Variants in ARHGEF17 observed in about 807,000 individuals in gnomAD.
The protein encoded by ARHGEF17 is Rho guanine nucleotide exchange factor 17.
Under a neutral mutation model 174.0 loss-of-function variants are expected in ARHGEF17, and 80 were observed. That is an observed-to-expected ratio of 0.46 (90% confidence interval 0.38 to 0.55). ARHGEF17 has a LOEUF of 0.55. Ranked by LOEUF, ARHGEF17 falls within the 20% of genes least tolerant of loss-of-function variation. The pLI, the probability that ARHGEF17 is intolerant of heterozygous loss-of-function variation, is 0.00. For missense variants in ARHGEF17, 2,886 were observed against 2,839.7 expected, an observed-to-expected ratio of 1.02 and a Z score of -0.37; for synonymous variants, 1,311 against 1,189.1, an observed-to-expected ratio of 1.10 and a Z score of -2.11.
At chr11:73,352,140 T>C (rs1865564556) in intron 2 of ARHGEF17, among the ~76,000 whole-genome samples, 1 of 151,950 alleles carries the variant, frequency 6.6e-6, no homozygotes, top group South Asian at 2.1e-4. Context: ...CTGGCCGACA[T>C]AGTGAAACCC....
At chr11:73,311,862 G>A (rs1864843974) in intron 1 of ARHGEF17, 32 bp downstream of exon 1, 1 of 1,561,822 alleles carries the variant, frequency 6.4e-7, no homozygotes, top group Admixed American at 1.8e-5. Context: ...TCAGATTGGG[G>A]CCAAAGAAGG....
chr11:73,309,716 C>T lies in ARHGEF17; in HGVS notation c.1078C>T (p.Arg360Trp). ...CGTCCCAGGTCCCCAGGAGGGACTT[C>T]GGCCTATGTCTGACTCTGTGGGAGG... ...PCVPGPQEGL[R>W]PMSDSVGGAF... Residue 360 changes from arginine to tryptophan, a missense_variant, in exon 1 of 21, where the codon CGG becomes TGG. Arg to Trp is a moderately radical substitution (Grantham distance 101). Coordinates refer to ENST00000263674, the MANE Select transcript of ARHGEF17 (RefSeq NM_014786.4). 3.7e-6 allele frequency: 6 copies of T among 1,612,874 alleles called. No homozygotes were observed. Among genetic ancestry groups the T allele is most frequent in the Non-Finnish European group, 5.1e-6 (6 of 1,179,844 alleles).
intron 2 of ARHGEF17, among the ~76,000 whole-genome samples, chr11:73,349,761 A>G (rs1865522868): frequency 6.6e-6 from 1 of 152,230 alleles, no homozygotes; most frequent in African/African-American, 2.4e-5. Context: ...AGACCCGTCC[A>G]GGGCTGCACT....
At chr11:73,338,924 G>A (rs1454559224) in intron 1 of ARHGEF17, among the ~76,000 whole-genome samples, 2 of 152,158 alleles carry the variant, frequency 1.3e-5, no homozygotes, top group Non-Finnish European at 2.9e-5. Context: ...AAGGAGCCAG[G>A]ACGTGTAAAG....
chr11:73,365,847 C>T lies in ARHGEF17; in HGVS notation c.5895C>T (p.Leu1965=), dbSNP rs553948449. The change falls in exon 20 of 21, where the codon CTC becomes CTT. Residue 1965 remains leucine (L), a synonymous_variant. Transcript: ENST00000263674. This position sits in a 1 kb window ranked among gnomAD's most constrained non-coding sequence, Gnocchi z 4.9. ...CPRAPLSPTG[L]GQGHTGHVRF... ...GGGCACCACTCAGTCCCACAGGCCT[C>T]GGCCAGGGACACACCGGCCACGTCC... 13 of 1,612,798 alleles carry T rather than the reference C, an allele frequency of 8.1e-6. No homozygotes were observed. The East Asian group carries it at 8.9e-5, about 11-fold the overall frequency.
At chr11:73,331,622 G>A (rs368061499) in intron 1 of ARHGEF17, among the ~76,000 whole-genome samples, 16 of 152,054 alleles carry the variant, frequency 1.1e-4, no homozygotes, top group African/African-American at 3.6e-4. Context: ...GAGGGGGAGT[G>A]GGGGGGTGCG....
chr11:73,324,820 G>A (rs1187938845), intron 1 of ARHGEF17, among the ~76,000 whole-genome samples: 3 of 152,222 alleles, frequency 2.0e-5, no homozygotes, highest in Non-Finnish European at 4.4e-5. Context: ...CCAGGAACCA[G>A]CACATAGTAG....
chr11:73,330,840 C>G (rs1865192725), intron 1 of ARHGEF17, among the ~76,000 whole-genome samples: 1 of 152,154 alleles, frequency 6.6e-6, no homozygotes, highest in Admixed American at 6.5e-5. Flanking sequence ...GGGCTGGCAG[C>G]AGAATTCACT....
chr11:73,350,547 G>A (rs990109354), intron 2 of ARHGEF17, among the ~76,000 whole-genome samples: 5 of 152,160 alleles, frequency 3.3e-5, no homozygotes, highest in Admixed American at 6.5e-5. Flanking sequence ...TGTTAACTTC[G>A]AACCATCACT....
At chr11:73,345,981 A>G (rs1156951719) in intron 1 of ARHGEF17, among the ~76,000 whole-genome samples, 1 of 151,932 alleles carries the variant, frequency 6.6e-6, no homozygotes, top group African/African-American at 2.4e-5. Context: ...GGAGAGGTGT[A>G]GGGACTGGTG....
chr11:73,364,410 T>C (rs182460013), intron 17 of ARHGEF17, 42 bp from the exon 18 acceptor site: 6 of 1,612,348 alleles, frequency 3.7e-6, no homozygotes, highest in African/African-American at 2.7e-5. Flanking sequence ...GGCTCAAATT[T>C]AGAACTGGAG....
chr11:73,311,097 G>A lies in ARHGEF17; in HGVS notation c.2459G>A (p.Gly820Asp), dbSNP rs889019633. ...LGRVVDDRIA[G>D]KAPKKKSLSD... ...CGTGTGGTGGACGACAGGATTGCTGGCAAAGCCCCCAAGAAGAAATCCCTG... is the reference window on the plus strand; with the variant it reads ...CGTGTGGTGGACGACAGGATTGCTGACAAAGCCCCCAAGAAGAAATCCCTG... Residue 820 changes from glycine to aspartate, a missense_variant, in exon 1 of 21, where the codon GGC (glycine) becomes GAC (aspartate). Physicochemically the swap from Gly to Asp is moderately conservative, Grantham distance 94. Around this residue, in one of 4 missense-constraint regions of ARHGEF17, gnomAD observed 1,728 missense variants for 1,461.2 expected, o/e 1.18. Coordinates refer to ENST00000263674, the MANE Select transcript of ARHGEF17 (RefSeq NM_014786.4). 5 of 1,607,142 alleles carry A rather than the reference G, an allele frequency of 3.1e-6. No individual in the cohort carries two copies. The African/African-American group carries it at 5.3e-5, about 17-fold the overall frequency.
At chr11:73,318,031 G>A (rs959757035) in intron 1 of ARHGEF17, among the ~76,000 whole-genome samples, 1 of 152,118 alleles carries the variant, frequency 6.6e-6, no homozygotes, top group African/African-American at 2.4e-5. Flanking sequence ...AGCTGTCCAT[G>A]CTCTTGGGCA....
At chr11:73,336,527 C>A (rs913725755) in intron 1 of ARHGEF17, among the ~76,000 whole-genome samples, 8 of 152,244 alleles carry the variant, frequency 5.3e-5, no homozygotes, top group Non-Finnish European at 1.0e-4. Context: ...CCACCTCCAT[C>A]CTCCTTTCAG....
intron 1 of ARHGEF17, among the ~76,000 whole-genome samples, chr11:73,329,373 A>ATATTTTTT (rs1565193840): frequency 7.6e-5 from 1 of 13,168 alleles, no homozygotes; most frequent in Non-Finnish European, 1.2e-4. Context: ...ATATATATAT[A>ATATTTTTT]TTTTTTTTTT....
chr11:73,360,589 G>C, intron 11 of ARHGEF17, 56 bp downstream of exon 11: 1 of 1,589,150 alleles, frequency 6.3e-7, no homozygotes, highest in South Asian at 1.1e-5. Context: ...CAGGAGGCCA[G>C]AGGCATCTCA....
rs138072913 is a variant in ARHGEF17 at position 73,365,682 on chromosome 11, G to A, written c.5730G>A (p.Ser1910=). Reference sequence around the variant, plus strand: ...GTGGTCTGTCTCCCACCCCAGGCTCGGATGCCATCATCCGGCAGCACAAGG... The same window carrying A: ...GTGGTCTGTCTCCCACCCCAGGCTCAGATGCCATCATCCGGCAGCACAAGG... ...TPPVHRMLAG[S]DAIIRQHKAA... Residue 1910 remains serine (S), a synonymous_variant, in exon 20 of 21, where the codon TCG becomes TCA. Transcript: ENST00000263674. This position sits in a 1 kb window ranked among gnomAD's most constrained non-coding sequence, Gnocchi z 4.9. The A allele has an allele frequency of 1.1e-3, 1,716 of 1,612,092 alleles. 7 individuals carry two copies. Among genetic ancestry groups the A allele is most frequent in the Non-Finnish European group, 9.9e-4 (1,166 of 1,178,826 alleles).
chr11:73,363,669 G>T, intron 15 of ARHGEF17, 78 bp from the exon 16 acceptor site: 1 of 1,573,668 alleles, frequency 6.4e-7, no homozygotes, highest in East Asian at 2.2e-5. Flanking sequence ...GTGGTGCTAG[G>T]GGCAAAGAGG....
In ARHGEF17 at chr11:73,368,851, TGACCCCCTGGACCACA is replaced by T. The variant is rs1316415070; in HGVS notation, c.*1074_*1089del. ...CTCCCACTTGAGAGCAGCCTCTACC[TGACCCCCTGGACCACA>T]GAGAGCCACTCTGACCCTCAGCCCC... On this transcript the variant is annotated 3_prime_UTR_variant, in exon 21 of 21. Coordinates refer to ENST00000263674, the MANE Select transcript of ARHGEF17 (RefSeq NM_014786.4). The T allele has an allele frequency of 1.3e-5, 2 of 152,276 alleles. No individual in the cohort carries two copies. Among genetic ancestry groups the T allele is most frequent in the African/African-American group, 4.8e-5 (2 of 41,422 alleles). 9.4% of individuals were successfully genotyped at this position (152,276 alleles called of 1,614,324 possible).
Sources: allele counts gnomAD v4.1 joint callset (sites outside exome capture counted in the v4.1 genomes callset), GRCh38; gene constraint gnomAD v4.1.1; regional missense constraint gnomAD v4.1.1; non-coding constraint Gnocchi (gnomAD v3.1); transcripts MANE v1.5; gene names NCBI Gene and HGNC (gene_info 2026-07-23, HGNC 2026-07-21).